DDX42: variants seen among roughly 807,000 people sequenced by gnomAD.
DDX42 encodes the protein ATP-dependent RNA helicase DDX42.
A neutral mutation model predicts 101.5 loss-of-function variants in DDX42; 22 were observed. That is an observed-to-expected ratio of 0.22 (90% CI 0.15 to 0.31). The LOEUF (loss-of-function observed/expected upper bound fraction) is 0.31, where lower values mean the gene tolerates loss of function less well. Ranked by LOEUF, DDX42 falls within the 10% of genes least tolerant of loss-of-function variation. The pLI is 1.00. For synonymous variants in DDX42, 402 were observed against 401.2 expected (o/e 1.00, Z -0.02); for missense variants, 849 against 1,199.9 (o/e 0.71, Z 4.32).
intron 2 of DDX42, 33 bp from the exon 3 acceptor site, chr17:63,792,379 A>G: frequency 6.2e-7 from 1 of 1,601,610 alleles, no homozygotes; most frequent in African/African-American, 1.3e-5. Flanking sequence ...CAAAGTAAGC[A>G]TTCACTTTAC....
intron 17 of DDX42, chr17:63,817,345 G>C: frequency 3.1e-6 from 1 of 323,288 alleles, no homozygotes; most frequent in Non-Finnish European, 5.7e-6. Flanking sequence ...GTTCAAGGCA[G>C]GTTTTGCTGT....
At chr17:63,798,270 G>C in intron 4 of DDX42, 171 bp downstream of exon 4, 1 of 548,878 alleles carries the variant, frequency 1.8e-6, no homozygotes, top group Non-Finnish European at 3.2e-6. Context: ...AACAGTCTTT[G>C]CATTTGCAAT....
intron 3 of DDX42, among the ~76,000 whole-genome samples, chr17:63,797,705 C>T (rs893881706): frequency 2.0e-5 from 3 of 152,146 alleles, no homozygotes; most frequent in South Asian, 2.1e-4. Flanking sequence ...TGAGGAAGGC[C>T]TATCTGCCTG....
chr17:63,799,704 A>G (rs945912541), intron 5 of DDX42, 79 bp downstream of exon 5: 49 of 1,435,172 alleles, frequency 3.4e-5, no homozygotes, highest in Non-Finnish European at 4.4e-5. Context: ...GCTTGCCTTC[A>G]CTCAAAATGG....
At position 63,796,683 on chromosome 17, in the gene DDX42, G is replaced by A. The variant is rs117257623; in HGVS notation, c.373-1355G>A. On this transcript the variant is annotated intron_variant, in intron 3 of 17. Coordinates refer to ENST00000389924, the MANE Select transcript of DDX42 (RefSeq NM_203499.3). ...TGAACTAGATGAAGATTTATTTTTA[G>A]CCAGTGTTCTGAAAAAGGATTTATG... Among the ~76,000 whole-genome samples, 1,382 of 152,296 alleles carry A rather than the reference G, an allele frequency of 9.1e-3. 12 individuals carry two copies. The highest frequency in any genetic ancestry group is 0.014 in the Non-Finnish European group (950 of 68,018).
In DDX42 at chr17:63,799,633, C is replaced by T; in HGVS notation, c.471+8C>T. ...GAAGAGGAAGATGACCAAGTGAGTT[C>T]CTATGCAGTATTTCTATCTTTTATT... is the stretch of plus-strand genomic sequence containing the variant. On this transcript the variant is annotated splice_region_variant and intron_variant, in intron 5 of 17. Transcript: ENST00000389924. 1 of 1,611,010 alleles carries T rather than the reference C, an allele frequency of 6.2e-7. No homozygotes were observed.
At chr17:63,795,947 A>G (rs2665840) in intron 3 of DDX42, among the ~76,000 whole-genome samples, 48,931 of 152,072 alleles carry the variant, frequency 0.32, 8,599 homozygotes, top group South Asian at 0.58. Flanking sequence ...TACAAACTAT[A>G]CAGGATACTT....
chr17:63,782,345 A>G (rs887633267), intron 1 of DDX42, among the ~76,000 whole-genome samples: 3 of 152,094 alleles, frequency 2.0e-5, no homozygotes, highest in Non-Finnish European at 4.4e-5. Context: ...TAGCTTATTT[A>G]CATCAGTAAC....
intron 7 of DDX42, chr17:63,806,021 G>T (rs2039835676): frequency 7.0e-6 from 1 of 143,496 alleles, no homozygotes; most frequent in African/African-American, 3.0e-5. Context: ...CTTGACAGTG[G>T]CTGGACCATC....
Position 63,818,097 on chromosome 17 carries a change from G to T in DDX42, c.2516G>T (p.Arg839Leu). Residue 839 changes from arginine to leucine, a missense_variant, in exon 18 of 18, where the codon CGC (arginine) becomes CTC (leucine). Transcript: ENST00000389924. ...AGTCCACGTCACGGAGATGGTGGTC[G>T]CCATGGAGATGGATACCGCCATCCA... is the stretch of plus-strand genomic sequence containing the variant. ...SDSPRHGDGG[R>L]HGDGYRHPES... The T allele has an allele frequency of 6.2e-7, 1 of 1,613,980 alleles. No homozygotes were observed. Among genetic ancestry groups the T allele is most frequent in the Non-Finnish European group, 8.5e-7 (1 of 1,180,024 alleles).
intron 8 of DDX42, 67 bp from the exon 9 acceptor site, chr17:63,807,657 C>G: frequency 1.4e-6 from 2 of 1,435,102 alleles, no homozygotes; most frequent in Non-Finnish European, 1.9e-6. Context: ...TATCATTCCC[C>G]AGGATTTGCT....
At chr17:63,815,836 A>C (rs1408477980) in intron 16 of DDX42, 163 bp downstream of exon 16, 4 of 396,012 alleles carry the variant, frequency 1.0e-5, no homozygotes, top group African/African-American at 2.1e-5. Flanking sequence ...GCTCATTCTT[A>C]TGGTAACTTT....
intron 17 of DDX42, 131 bp from the exon 18 acceptor site, chr17:63,817,563 C>A: frequency 1.2e-6 from 1 of 820,222 alleles, no homozygotes; most frequent in Non-Finnish European, 1.9e-6. Context: ...TACTGTGGGG[C>A]CATCAGGACA....
intron 6 of DDX42, among the ~76,000 whole-genome samples, chr17:63,801,686 C>T (rs2039772036): frequency 6.6e-6 from 1 of 152,078 alleles, no homozygotes; most frequent in Non-Finnish European, 1.5e-5. Flanking sequence ...AACTCCTGAC[C>T]CCAAGTGATC....
chr17:63,786,869 G>A (rs565228049), intron 1 of DDX42, among the ~76,000 whole-genome samples, 165 bp from the exon 2 acceptor site: 9 of 152,220 alleles, frequency 5.9e-5, no homozygotes, highest in African/African-American at 2.2e-4. Flanking sequence ...GTAGAGAAGG[G>A]TTTTCACCAT....
chr17:63,790,759 C>T (rs1348314694), intron 2 of DDX42, among the ~76,000 whole-genome samples: 1 of 151,402 alleles, frequency 6.6e-6, no homozygotes, highest in East Asian at 1.9e-4. Flanking sequence ...GACTCCATCT[C>T]AAAAACAAAA....
chr17:63,806,977 G>A (rs1327779257), intron 8 of DDX42, among the ~76,000 whole-genome samples: 2 of 152,128 alleles, frequency 1.3e-5, no homozygotes, highest in Non-Finnish European at 2.9e-5. Context: ...ATTACTGAAA[G>A]TTTTAGCTTC....
rs747299290 is a variant in DDX42, at chr17:63,808,873, C to T, written c.1077C>T (p.Ala359=). 1.3e-5 allele frequency: 21 copies of T among 1,613,810 alleles called. No homozygotes were observed. The highest frequency in any genetic ancestry group is 3.3e-5 in the Admixed American group (2 of 59,968). ...FGKAYNLRSV[A]VYGGGSMWEQ... ...AAGCATATAATCTTCGATCAGTGGC[C>T]GTATATGGAGGAGGGAGTATGTGGG... The change falls in exon 10 of 18, where the codon GCC becomes GCT. Residue 359 remains alanine (A), a synonymous_variant. Transcript: ENST00000389924.
At chr17:63,793,635 C>A (rs2039655066) in intron 3 of DDX42, among the ~76,000 whole-genome samples, 1 of 152,078 alleles carries the variant, frequency 6.6e-6, no homozygotes, top group South Asian at 2.1e-4. Context: ...TCTCTGAGAA[C>A]ACTCTTACAA....
Sources: allele counts gnomAD v4.1 joint callset (sites outside exome capture counted in the v4.1 genomes callset), GRCh38; gene constraint gnomAD v4.1.1; transcripts MANE v1.5; gene names NCBI Gene and HGNC (gene_info 2026-07-23, HGNC 2026-07-21).